Variants in RIMS2 observed in about 807,000 individuals in gnomAD.
The protein encoded by RIMS2 is regulating synaptic membrane exocytosis 2.
A neutral mutation model predicts 174.4 loss-of-function variants in RIMS2; 59 were observed. That is an observed-to-expected ratio of 0.34 (90% CI 0.27 to 0.42). RIMS2 has a LOEUF of 0.42. RIMS2 is among the 10% of genes least tolerant of loss of function. The pLI, the probability that RIMS2 is intolerant of heterozygous loss-of-function variation, is 1.00. For synonymous variants in RIMS2, 606 were observed against 572.5 expected (o/e 1.06, Z -0.84); for missense variants, 1,620 against 1,666.3 (o/e 0.97, Z 0.48).
chr8:103,560,412 A>G (rs2091399805), intron 1 of RIMS2, among the ~76,000 whole-genome samples: 1 of 152,118 alleles, frequency 6.6e-6, no homozygotes, highest in African/African-American at 2.4e-5. Context: ...CTAAGTTTAG[A>G]CTTGATCTTA....
chr8:103,842,442 C>T (rs12547180), intron 3 of RIMS2, among the ~76,000 whole-genome samples: 23,895 of 151,806 alleles, frequency 0.16, 1,990 homozygotes, highest in Middle Eastern at 0.24. Context: ...AGTAGATGGC[C>T]TCACAAATAA....
At chr8:104,103,635 G>A (rs1466254841) in intron 19 of RIMS2, among the ~76,000 whole-genome samples, 1 of 151,570 alleles carries the variant, frequency 6.6e-6, no homozygotes, top group Non-Finnish European at 1.5e-5. Flanking sequence ...AATTTCCAGA[G>A]TGTTGAAGAT....
chr8:103,740,130 G>T (rs1048114917), intron 2 of RIMS2, among the ~76,000 whole-genome samples: 1 of 152,160 alleles, frequency 6.6e-6, no homozygotes, highest in Admixed American at 6.6e-5. Context: ...CATTCTGTTA[G>T]TGTTCAGTAA....
At chr8:104,252,545 T>C (rs548573120), downstream of RIMS2, 2 of 149,948 alleles carry the variant, frequency 1.3e-5, no homozygotes, top group Non-Finnish European at 3.0e-5. Flanking sequence ...AAAAAAAGAA[T>C]AAAAATCAGC....
chr8:103,992,909 C>A (rs2094820749), intron 17 of RIMS2, among the ~76,000 whole-genome samples: 1 of 151,702 alleles, frequency 6.6e-6, no homozygotes, highest in Non-Finnish European at 1.5e-5. Flanking sequence ...CAACTAGGAA[C>A]ATAATTTTTC....
At chr8:103,586,105 T>C (rs2093906725) in intron 1 of RIMS2, among the ~76,000 whole-genome samples, 1 of 152,138 alleles carries the variant, frequency 6.6e-6, no homozygotes. Flanking sequence ...AAAGGAAATA[T>C]TATTAGAGCT....
At chr8:103,603,212 T>C (rs1484532257) in intron 1 of RIMS2, among the ~76,000 whole-genome samples, 1 of 146,100 alleles carries the variant, frequency 6.8e-6, no homozygotes, top group African/African-American at 2.5e-5. Context: ...GTGATCTCAT[T>C]GTTCAATTCC....
At chr8:104,140,674 T>C (rs886847893) in intron 19 of RIMS2, among the ~76,000 whole-genome samples, 1 of 152,194 alleles carries the variant, frequency 6.6e-6, no homozygotes, top group African/African-American at 2.4e-5. Flanking sequence ...AGTCCCCGTA[T>C]GCCAGAGCAT....
intron 1 of RIMS2, among the ~76,000 whole-genome samples, chr8:103,624,112 T>G (rs2095714778): frequency 6.6e-6 from 1 of 152,176 alleles, no homozygotes; most frequent in Non-Finnish European, 1.5e-5. Flanking sequence ...GATAGTTAAT[T>G]TGATGTGTCA....
chr8:103,923,588 A>T (rs907849843), intron 10 of RIMS2, among the ~76,000 whole-genome samples: 1 of 151,932 alleles, frequency 6.6e-6, no homozygotes, highest in Non-Finnish European at 1.5e-5. Flanking sequence ...ATGTAAAGTT[A>T]TAGTCTTTAG....
chr8:103,819,782 G>T (rs925280157), intron 3 of RIMS2, among the ~76,000 whole-genome samples: 1 of 151,984 alleles, frequency 6.6e-6, no homozygotes, highest in Admixed American at 6.6e-5. Context: ...TTCTTAATTT[G>T]ATTTTAAGAA....
At chr8:103,835,740 T>A (rs772762112) in intron 3 of RIMS2, among the ~76,000 whole-genome samples, 2 of 152,258 alleles carry the variant, frequency 1.3e-5, no homozygotes, top group Non-Finnish European at 2.9e-5. Flanking sequence ...TCATTCTTTA[T>A]AATTTATTGT....
intron 19 of RIMS2, among the ~76,000 whole-genome samples, chr8:104,034,809 A>C (rs943937515): frequency 6.6e-6 from 1 of 152,098 alleles, no homozygotes; most frequent in Non-Finnish European, 1.5e-5. Flanking sequence ...ATCAGTATAG[A>C]TAAAGATCAC....
intron 19 of RIMS2, among the ~76,000 whole-genome samples, chr8:104,075,690 A>G (rs898004673): frequency 2.6e-5 from 4 of 152,208 alleles, no homozygotes; most frequent in African/African-American, 7.2e-5. Context: ...CAGGTCCTAT[A>G]GCAGAATCCC....
chr8:104,249,811 A>G (rs548861251), intron 22 of RIMS2, among the ~76,000 whole-genome samples: 9 of 152,316 alleles, frequency 5.9e-5, no homozygotes, highest in Non-Finnish European at 1.2e-4. Flanking sequence ...AAGTACATAC[A>G]TAGTAGAAAC....
At chr8:104,173,023 G>C (rs183232777) in intron 19 of RIMS2, among the ~76,000 whole-genome samples, 59 of 152,260 alleles carry the variant, frequency 3.9e-4, no homozygotes, top group Middle Eastern at 3.4e-3. Context: ...GCCTTGAAAT[G>C]TTACCAGTGT....
chr8:104,255,857 T>G (rs1263028988), downstream of RIMS2: 1 of 152,216 alleles, frequency 6.6e-6, no homozygotes, highest in Non-Finnish European at 1.5e-5. Context: ...AGAATTTTTT[T>G]AAGTGAACAA....
At chr8:104,225,380 T>A (rs2099180983) in intron 19 of RIMS2, among the ~76,000 whole-genome samples, 1 of 152,226 alleles carries the variant, frequency 6.6e-6, no homozygotes, top group Non-Finnish European at 1.5e-5. Flanking sequence ...TTGGCTACAT[T>A]CACATACATA....
Position 103,561,125 on chromosome 8 carries a change from C to T in RIMS2, c.176+60063C>T, listed in dbSNP as rs371164354. 6.0e-4 allele frequency among the ~76,000 whole-genome samples: 92 copies of T among 152,114 alleles called. 2 individuals are homozygous for T. The highest frequency in any genetic ancestry group is 2.6e-4 in the Admixed American group (4 of 15,276). ...TAATCTAACAGAGTGCAGCTTCCTG[C>T]GGCTTTTTCCTCTCTGTGACCAAGA... On this transcript the variant is annotated intron_variant, in intron 1 of 23. Transcript: ENST00000504942.
Sources: allele counts gnomAD v4.1 joint callset (sites outside exome capture counted in the v4.1 genomes callset), GRCh38; gene constraint gnomAD v4.1.1; transcripts MANE v1.5; gene names NCBI Gene and HGNC (gene_info 2026-07-23, HGNC 2026-07-21).